MLLT3: variants seen among roughly 807,000 people sequenced by gnomAD.
The protein encoded by MLLT3 is MLLT3 super elongation complex subunit.
MLLT3 carries 4 observed loss-of-function variants against 53.2 expected under a neutral mutation model. The observed-to-expected ratio is 0.08, with a 90% CI of 0.04 to 0.17. The LOEUF (loss-of-function observed/expected upper bound fraction) is 0.17, where lower values mean the gene tolerates loss of function less well. Among genes scored for constraint, MLLT3 ranks in the 10% least tolerant of loss-of-function variants. The pLI, the probability that MLLT3 is intolerant of heterozygous loss-of-function variation, is 1.00. For synonymous variants in MLLT3, 283 were observed against 230.6 expected, an observed-to-expected ratio of 1.23 and a Z score of -2.06; for missense variants, 569 against 684.0, an observed-to-expected ratio of 0.83 and a Z score of 1.87.
At chr9:20,444,958 G>T (rs1008805051) in intron 4 of MLLT3, among the ~76,000 whole-genome samples, 4 of 151,688 alleles carry the variant, frequency 2.6e-5, no homozygotes, top group Non-Finnish European at 5.9e-5. Flanking sequence ...AAATGTGGTG[G>T]CGTGCATCTG....
At chr9:20,586,760 T>G (rs942565566) in intron 2 of MLLT3, among the ~76,000 whole-genome samples, 1 of 151,956 alleles carries the variant, frequency 6.6e-6, no homozygotes, top group Admixed American at 6.6e-5. Flanking sequence ...GACTCACTGG[T>G]TAGGGAAGTG....
At chr9:20,449,316 A>T (rs919771696) in intron 3 of MLLT3, among the ~76,000 whole-genome samples, 5 of 152,204 alleles carry the variant, frequency 3.3e-5, no homozygotes, top group Non-Finnish European at 7.3e-5. Flanking sequence ...GAGATTAATA[A>T]GAATGGAATT....
At chr9:20,361,002 G>T (rs552851175) in intron 7 of MLLT3, among the ~76,000 whole-genome samples, 161 bp from the exon 8 acceptor site, 1 of 152,190 alleles carries the variant, frequency 6.6e-6, no homozygotes, top group Non-Finnish European at 1.5e-5. Context: ...TTTGTAACTG[G>T]AACTGTGTTA....
intron 2 of MLLT3, among the ~76,000 whole-genome samples, chr9:20,498,323 T>C (rs879422208): frequency 4.0e-5 from 6 of 151,092 alleles, no homozygotes; most frequent in Admixed American, 2.0e-4. Flanking sequence ...TTTTAAATTT[T>C]AGCCATTCTA....
At position 20,346,813 on chromosome 9, in the gene MLLT3, GA is replaced by G. The variant is rs1820882309; in HGVS notation, c.1576-240del. ...TCTTGCTTTTCATACCCTTTAAACT[GA>G]TGTCTGCTTTCAAGTCATGAACAGA... On this transcript the variant is annotated intron_variant, in intron 10 of 10. Transcript: ENST00000380338. Among the ~76,000 whole-genome samples, 3 of 152,046 alleles carry G rather than the reference GA, an allele frequency of 2.0e-5. No individual in the cohort carries two copies. In the South Asian group the frequency reaches 6.2e-4, roughly 32 times the overall value.
intron 2 of MLLT3, among the ~76,000 whole-genome samples, chr9:20,548,987 G>C (rs1466375374): frequency 6.6e-6 from 1 of 151,916 alleles, no homozygotes; most frequent in Admixed American, 6.6e-5. Flanking sequence ...GCTAATTTTA[G>C]TATTTTTTGT....
chr9:20,431,580 TG>T (rs1823269850), intron 4 of MLLT3, among the ~76,000 whole-genome samples: 1 of 152,160 alleles, frequency 6.6e-6, no homozygotes, highest in African/African-American at 2.4e-5. Flanking sequence ...TTTATGTATA[TG>T]GGTACTTGAT....
intron 5 of MLLT3, among the ~76,000 whole-genome samples, chr9:20,397,715 A>T (rs763700479): frequency 1.1e-4 from 16 of 152,156 alleles, no homozygotes; most frequent in Non-Finnish European, 1.9e-4. Flanking sequence ...TTGTGATAAC[A>T]TCTTCCTTTC....
Position 20,414,027 on chromosome 9 carries a change from G to A in MLLT3, c.819C>T (p.Thr273=). The A allele has an allele frequency of 6.2e-7, 1 of 1,614,122 alleles. No individual in the cohort carries two copies. Among genetic ancestry groups the A allele is most frequent in the Non-Finnish European group, 8.5e-7 (1 of 1,180,014 alleles). Residue 273 remains threonine, a synonymous_variant, in exon 5 of 11, where the codon ACC becomes ACT. Coordinates refer to ENST00000380338, the MANE Select transcript of MLLT3 (RefSeq NM_004529.4). ...TAGGAGCCTTCTTATCTTGTCCACTGGTGATGGTGAGTAAGTTACTATCTG... is the reference window on the plus strand; with the variant it reads ...TAGGAGCCTTCTTATCTTGTCCACTAGTGATGGTGAGTAAGTTACTATCTG... ...PKPDSNLLTI[T]SGQDKKAPSK... is the part of the protein sequence containing the mutation.
intron 2 of MLLT3, among the ~76,000 whole-genome samples, chr9:20,548,968 C>A (rs1433608605): frequency 2.6e-5 from 4 of 152,010 alleles, no homozygotes; most frequent in Non-Finnish European, 5.9e-5. Context: ...CCATGCATCT[C>A]CATACCCGGC....
Position 20,396,698 on chromosome 9 carries a change from G to A in MLLT3, c.1125+17023C>T, listed in dbSNP as rs183712938. Reference sequence around the variant, plus strand: ...GGAAATGTTGGTGGGCGTAGATGCCGTCAAAGCTGACAGAATCTACAAACT... The same window carrying A: ...GGAAATGTTGGTGGGCGTAGATGCCATCAAAGCTGACAGAATCTACAAACT... On this transcript the variant is annotated intron_variant, in intron 5 of 10. Transcript: ENST00000380338. Among the ~76,000 whole-genome samples, 226 of 152,234 alleles carry A rather than the reference G, an allele frequency of 1.5e-3. 1 individual carries two copies. The highest frequency in any genetic ancestry group is 4.7e-3 in the African/African-American group (195 of 41,550).
At chr9:20,418,341 T>A (rs1822925428) in intron 4 of MLLT3, 1 of 152,168 alleles carries the variant, frequency 6.6e-6, no homozygotes, top group South Asian at 2.1e-4. Context: ...AGTGGCAGGA[T>A]CATAGCCAAT....
chr9:20,584,989 G>A (rs1187931669), intron 2 of MLLT3, among the ~76,000 whole-genome samples: 3 of 152,204 alleles, frequency 2.0e-5, no homozygotes, highest in Admixed American at 1.3e-4. Context: ...AGGTTTCTGT[G>A]TGGACATAAG....
At chr9:20,563,555 C>T (rs536354388) in intron 2 of MLLT3, among the ~76,000 whole-genome samples, 1 of 152,106 alleles carries the variant, frequency 6.6e-6, no homozygotes, top group Non-Finnish European at 1.5e-5. Context: ...ACATCTGGAA[C>T]AAGCAGCATC....
In MLLT3 at chr9:20,343,386, G is replaced by C. The variant is rs1820789307; in HGVS notation, c.*3057C>G. ...AAGTTTTTATAGTCTTCCCTACCTTGACACTATATGAACGCATTTATAGAC... is the reference window on the plus strand; with the variant it reads ...AAGTTTTTATAGTCTTCCCTACCTTCACACTATATGAACGCATTTATAGAC... On this transcript the variant is annotated 3_prime_UTR_variant, in exon 11 of 11. Coordinates refer to ENST00000380338, the MANE Select transcript of MLLT3 (RefSeq NM_004529.4). 1 of 212,118 alleles carries C rather than the reference G, an allele frequency of 4.7e-6. No individual in the cohort carries two copies. The highest frequency in any genetic ancestry group is 2.3e-5 in the African/African-American group (1 of 44,008). 13.1% of individuals were successfully genotyped at this position (212,118 alleles called of 1,614,324 possible). A position where few individuals can be genotyped will look rare whatever the true frequency, so the allele number is the denominator to read the frequency against.
chr9:20,474,710 T>A (rs1261319411), intron 2 of MLLT3, among the ~76,000 whole-genome samples: 1 of 152,088 alleles, frequency 6.6e-6, no homozygotes, highest in African/African-American at 2.4e-5. Context: ...CCAAAGGGCA[T>A]CCTATGACTA....
intron 10 of MLLT3, among the ~76,000 whole-genome samples, chr9:20,350,594 C>CAAAACAAAA (rs1554674292): frequency 1.6e-5 from 2 of 124,028 alleles, no homozygotes; most frequent in East Asian, 5.3e-4. Context: ...GACTCCGTCT[C>CAAAACAAAA]AAAAAAAGAA....
Position 20,621,782 on chromosome 9 carries a change from G to C in MLLT3, c.12+463C>G, listed in dbSNP as rs1821018743. 5 of 1,478,210 alleles carry C rather than the reference G, an allele frequency of 3.4e-6. No individual in the cohort carries two copies. Among genetic ancestry groups the C allele is most frequent in the Non-Finnish European group, 4.5e-6 (5 of 1,123,518 alleles). The allele number at this position is 1,478,210 out of a possible 1,614,324, so 91.6% of individuals were successfully genotyped here. On this transcript the variant is annotated intron_variant, in intron 1 of 10. Transcript: ENST00000380338. This position sits in a 1 kb window ranked among gnomAD's most constrained non-coding sequence, Gnocchi z 7.0. ...GCCGCGGAGAACGCACCATCGTAGC[G>C]GCCGCGGCGCTTTGCGGAGGTGCGG...
At chr9:20,534,236 G>T (rs1213478148) in intron 2 of MLLT3, among the ~76,000 whole-genome samples, 1 of 152,144 alleles carries the variant, frequency 6.6e-6, no homozygotes, top group African/African-American at 2.4e-5. Flanking sequence ...TGCTACCGTG[G>T]GAGAACTGAC....
Sources: allele counts gnomAD v4.1 joint callset (sites outside exome capture counted in the v4.1 genomes callset), GRCh38; gene constraint gnomAD v4.1.1; non-coding constraint Gnocchi (gnomAD v3.1); transcripts MANE v1.5; gene names NCBI Gene and HGNC (gene_info 2026-07-23, HGNC 2026-07-21).